CUEDC1: variants seen among roughly 807,000 people sequenced by gnomAD.
CUEDC1 encodes the protein CUE domain containing 1.
CUEDC1 carries 30 observed loss-of-function variants against 43.7 expected under a neutral mutation model. The ratio of observed to expected loss-of-function variants is 0.69; its 90% CI spans 0.51 to 0.93. The LOEUF (loss-of-function observed/expected upper bound fraction) is 0.93, where lower values mean the gene tolerates loss of function less well. Among genes scored for constraint, CUEDC1 ranks in the 40% least tolerant of loss-of-function variants. The pLI is 0.00. For synonymous variants in CUEDC1, 223 were observed against 223.6 expected (o/e 1.00, Z 0.02); for missense variants, 486 against 549.0 (o/e 0.89, Z 1.15).
At chr17:57,950,313 G>T (rs568279479) in intron 1 of CUEDC1, among the ~76,000 whole-genome samples, 101 of 151,804 alleles carry the variant, frequency 6.7e-4, no homozygotes, top group African/African-American at 2.3e-3. Context: ...GCCAAACCTG[G>T]ATAATTTTTT....
rs116005480 is a variant in CUEDC1, at chr17:57,865,609, A to C, written c.*3+865T>G. On this transcript the variant is annotated intron_variant, in intron 10 of 10. Coordinates refer to ENST00000577830, the MANE Select transcript of CUEDC1 (RefSeq NM_001271875.2). ...AGCTGTCTTGGCCAACTCCTGGAGG[A>C]GGCCTTGGTATTTTCTTTTTCTCCC... 2.4e-3 allele frequency among the ~76,000 whole-genome samples: 360 copies of C among 152,162 alleles called. 1 individual carries two copies. The highest frequency in any genetic ancestry group is 8.1e-3 in the African/African-American group (335 of 41,508).
intron 1 of CUEDC1, among the ~76,000 whole-genome samples, chr17:57,935,619 C>G (rs1287796590): frequency 6.6e-6 from 1 of 152,018 alleles, no homozygotes; most frequent in African/African-American, 2.4e-5. Context: ...TTGAAAAGCC[C>G]CAGCAGGCTG....
At chr17:57,871,685 A>G (rs1010404445) in intron 5 of CUEDC1, among the ~76,000 whole-genome samples, 3 of 152,220 alleles carry the variant, frequency 2.0e-5, no homozygotes, top group Admixed American at 6.5e-5. Flanking sequence ...GCACACTGGA[A>G]GGCTAAGGCA....
chr17:57,948,721 G>A (rs1377618806), intron 1 of CUEDC1, among the ~76,000 whole-genome samples: 1 of 152,178 alleles, frequency 6.6e-6, no homozygotes, highest in South Asian at 2.1e-4. Context: ...ATTCCCCTCT[G>A]TGCCTATGAG....
intron 10 of CUEDC1, 74 bp downstream of exon 10, chr17:57,866,400 G>T: frequency 7.1e-7 from 1 of 1,415,152 alleles, no homozygotes; most frequent in Non-Finnish European, 9.9e-7. Context: ...ACACCTGGGA[G>T]GACATGTGGG....
At position 57,954,594 on chromosome 17, in the gene CUEDC1, C is replaced by G. The variant is rs907082541; in HGVS notation, c.-316+631G>C. 9.9e-5 allele frequency among the ~76,000 whole-genome samples: 15 copies of G among 152,052 alleles called. No individual in the cohort carries two copies. Among genetic ancestry groups the G allele is most frequent in the African/African-American group, 3.4e-4 (14 of 41,476 alleles). On this transcript the variant is annotated intron_variant, in intron 1 of 10. Transcript: ENST00000577830. This position sits in a 1 kb window ranked among gnomAD's most constrained non-coding sequence, Gnocchi z 4.3. ...AGCCGGCGGGGCGGGCGAGCAGGGG[C>G]GGGGACAGCGCATTCCCAACTTTCC...
intron 1 of CUEDC1, among the ~76,000 whole-genome samples, chr17:57,931,663 C>T (rs1598017650): frequency 6.6e-6 from 1 of 152,086 alleles, no homozygotes; most frequent in East Asian, 1.9e-4. Flanking sequence ...GACAGATCTC[C>T]TTCTCTTTAC....
At chr17:57,935,856 T>A (rs1970522064) in intron 1 of CUEDC1, among the ~76,000 whole-genome samples, 1 of 151,840 alleles carries the variant, frequency 6.6e-6, no homozygotes, top group Admixed American at 6.6e-5. Flanking sequence ...TTTCATCAAG[T>A]CCCCCAAGCT....
chr17:57,904,861 G>A (rs11652228), intron 1 of CUEDC1, among the ~76,000 whole-genome samples: 19,425 of 152,118 alleles, frequency 0.13, 1,570 homozygotes, highest in Non-Finnish European at 0.18. Context: ...TGCTCCATCC[G>A]TGCTGGGACC....
At position 57,908,852 on chromosome 17, in the gene CUEDC1, C is replaced by G. The variant is rs898660749; in HGVS notation, c.-315-22973G>C. On this transcript the variant is annotated intron_variant, in intron 1 of 10. Transcript: ENST00000577830. The stretch of plus-strand genomic sequence containing the variant: ...CTCTACTAAAAATAGAAAAAATCAA[C>G]TGGGTGTGGTGGCATGCACCTCTAT... Among the ~76,000 whole-genome samples, 78 of 152,110 alleles carry G rather than the reference C, an allele frequency of 5.1e-4. 1 individual carries two copies. Among genetic ancestry groups the G allele is most frequent in the Non-Finnish European group, 2.9e-5 (2 of 68,022 alleles).
At chr17:57,888,198 C>T (rs181872701) in intron 1 of CUEDC1, among the ~76,000 whole-genome samples, 300 of 152,240 alleles carry the variant, frequency 2.0e-3, no homozygotes, top group African/African-American at 5.9e-3. Context: ...CCACTGCGCC[C>T]GGCATTATTT....
chr17:57,939,290 A>C (rs1459590520), intron 1 of CUEDC1, among the ~76,000 whole-genome samples: 2 of 150,538 alleles, frequency 1.3e-5, no homozygotes, highest in Non-Finnish European at 3.0e-5. Flanking sequence ...TTTTGAGACG[A>C]GATCTCAGTC....
At chr17:57,894,689 A>G (rs544245631) in intron 1 of CUEDC1, among the ~76,000 whole-genome samples, 1 of 152,216 alleles carries the variant, frequency 6.6e-6, no homozygotes, top group Non-Finnish European at 1.5e-5. Context: ...AAAAGAAAAA[A>G]TACGATTCAA....
chr17:57,884,794 C>T (rs995476433), intron 2 of CUEDC1, among the ~76,000 whole-genome samples: 6 of 152,344 alleles, frequency 3.9e-5, no homozygotes, highest in African/African-American at 1.2e-4. Flanking sequence ...GTACCCGACT[C>T]GCGCTTCTAG....
intron 1 of CUEDC1, among the ~76,000 whole-genome samples, chr17:57,946,662 G>T (rs1035677964): frequency 6.6e-6 from 1 of 152,108 alleles, no homozygotes; most frequent in African/African-American, 2.4e-5. Flanking sequence ...GCTCACACTT[G>T]CTTTCCTTTC....
At chr17:57,902,753 C>CTTT (rs2074486793) in intron 1 of CUEDC1, among the ~76,000 whole-genome samples, 1 of 152,250 alleles carries the variant, frequency 6.6e-6, no homozygotes, top group African/African-American at 2.4e-5. Context: ...GAACGCTTTG[C>CTTT]ATTCAGCCAG....
intron 1 of CUEDC1, among the ~76,000 whole-genome samples, chr17:57,887,547 A>G (rs541819335): frequency 3.0e-4 from 45 of 148,986 alleles, no homozygotes; most frequent in African/African-American, 9.6e-4. Flanking sequence ...GCTGGAGTAC[A>G]GTGCTGTGAT....
At chr17:57,877,578 T>TA (rs560214172) in intron 3 of CUEDC1, among the ~76,000 whole-genome samples, 70,280 of 127,176 alleles carry the variant, frequency 0.55, 19,140 homozygotes, top group African/African-American at 0.73. Flanking sequence ...ATTGGAATAT[T>TA]AAAAAAAAAA....
In CUEDC1 at chr17:57,867,400, C is replaced by T. The variant is rs141831048; in HGVS notation, c.1050G>A (p.Ala350=). The change falls in exon 9 of 11, where the codon GCG becomes GCA. Residue 350 remains alanine (A), a synonymous_variant. Coordinates refer to ENST00000577830, the MANE Select transcript of CUEDC1 (RefSeq NM_001271875.2). ...LLKHQSLGAA[A]STANLLDDVE... ...CATCATCCAGGAGGTTGGCTGTTGA[C>T]GCGGCAGCCCCCAGCCTGCCAGGCC... 152 of 1,552,498 alleles carry T rather than the reference C, an allele frequency of 9.8e-5. No individual in the cohort carries two copies. The highest frequency in any genetic ancestry group is 1.7e-4 in the Middle Eastern group (1 of 5,994).
Sources: allele counts gnomAD v4.1 joint callset (sites outside exome capture counted in the v4.1 genomes callset), GRCh38; gene constraint gnomAD v4.1.1; non-coding constraint Gnocchi (gnomAD v3.1); transcripts MANE v1.5; gene names NCBI Gene and HGNC (gene_info 2026-07-23, HGNC 2026-07-21).